TBC1D1: variants seen among roughly 807,000 people sequenced by gnomAD.
The protein encoded by TBC1D1 is TBC1 domain family member 1, also known as TBC1 (tre-2/USP6, BUB2, cdc16) domain family, member 1.
In TBC1D1, 89 loss-of-function variants were observed where a neutral mutation model predicts 125.6. The observed-to-expected ratio is 0.71, with a 90% CI of 0.60 to 0.85. The LOEUF (loss-of-function observed/expected upper bound fraction) is 0.85. TBC1D1 is among the 40% of genes least tolerant of loss of function. TBC1D1 has a pLI of 0.00. For synonymous variants in TBC1D1, 565 were observed against 564.1 expected (o/e 1.00, Z -0.02); for missense variants, 1,377 against 1,469.2 (o/e 0.94, Z 1.03).
At chr4:37,953,785 T>C (rs528060866) in intron 2 of TBC1D1, among the ~76,000 whole-genome samples, 23 of 152,286 alleles carry the variant, frequency 1.5e-4, no homozygotes, top group African/African-American at 5.3e-4. Context: ...TGTGGTTAGC[T>C]TGGTATGTGG....
rs1270469136 is a variant in TBC1D1, at chr4:37,995,594, G to A, written c.418-18915G>A. The A allele has an allele frequency of 8.5e-6, 4 of 468,006 alleles. No homozygotes were observed. In the East Asian group the frequency reaches 1.7e-4, roughly 19 times the overall value. The allele number at this position is 468,006 out of a possible 1,614,324, so 29.0% of individuals were successfully genotyped here. ...TCAGCACAGAAGGCCTTCAGGTCCA[G>A]TACCCTGGCCTTGACCTCCCCATAG... On this transcript the variant is annotated intron_variant, in intron 2 of 19. Transcript: ENST00000261439. The surrounding 1 kb of genome is among the most constrained non-coding windows in gnomAD (Gnocchi z 4.3).
intron 8 of TBC1D1, among the ~76,000 whole-genome samples, chr4:38,042,936 C>G (rs1390260824): frequency 6.6e-6 from 1 of 152,150 alleles, no homozygotes; most frequent in East Asian, 1.9e-4. Context: ...GAGTCTCGCT[C>G]TGTCGCCCAG....
At chr4:38,050,309 A>G (rs9999701) in intron 11 of TBC1D1, among the ~76,000 whole-genome samples, 10,095 of 152,234 alleles carry the variant, frequency 0.066, 1,132 homozygotes, top group African/African-American at 0.23. Flanking sequence ...CTGGCCTCAT[A>G]GGGTGACAGG....
chr4:38,038,799 A>T (rs1167580736), intron 8 of TBC1D1, among the ~76,000 whole-genome samples: 2 of 152,018 alleles, frequency 1.3e-5, no homozygotes, highest in Non-Finnish European at 2.9e-5. Flanking sequence ...TACAAAAATT[A>T]GTCAGGTGTG....
At chr4:38,090,443 C>T (rs1418033662) in intron 13 of TBC1D1, among the ~76,000 whole-genome samples, 1 of 152,178 alleles carries the variant, frequency 6.6e-6, no homozygotes, top group Non-Finnish European at 1.5e-5. Flanking sequence ...CTCTGTCTCT[C>T]TCTCTCTCTA....
At chr4:38,081,346 CAG>C (rs1394688788) in intron 12 of TBC1D1, among the ~76,000 whole-genome samples, 1 of 152,146 alleles carries the variant, frequency 6.6e-6, no homozygotes, top group Non-Finnish European at 1.5e-5. Flanking sequence ...TGAGCATTGA[CAG>C]AGGAGAGTCA....
At chr4:37,985,223 GAT>G (rs1735204106) in intron 2 of TBC1D1, among the ~76,000 whole-genome samples, 1 of 152,202 alleles carries the variant, frequency 6.6e-6, no homozygotes, top group Non-Finnish European at 1.5e-5. Flanking sequence ...AAAGTGCTGG[GAT>G]TACAGGCGTG....
intron 2 of TBC1D1, among the ~76,000 whole-genome samples, chr4:37,964,952 C>T (rs971321556): frequency 1.3e-5 from 2 of 152,226 alleles, no homozygotes; most frequent in Non-Finnish European, 2.9e-5. Flanking sequence ...CTTGGCCATG[C>T]CAGCTCCCTG....
At chr4:37,971,854 T>G (rs1296134760) in intron 2 of TBC1D1, among the ~76,000 whole-genome samples, 2 of 152,202 alleles carry the variant, frequency 1.3e-5, no homozygotes, top group East Asian at 1.9e-4. Flanking sequence ...GCTGACACAT[T>G]TGACTTGGCT....
chr4:38,111,155 G>T (rs952884762), intron 15 of TBC1D1, among the ~76,000 whole-genome samples: 3 of 152,224 alleles, frequency 2.0e-5, no homozygotes, highest in Non-Finnish European at 2.9e-5. Flanking sequence ...GGGCTACAGT[G>T]CTCAACACTG....
chr4:38,078,339 CT>C (rs1755952129), intron 12 of TBC1D1, among the ~76,000 whole-genome samples: 3 of 152,092 alleles, frequency 2.0e-5, no homozygotes, highest in African/African-American at 7.2e-5. Flanking sequence ...ACAGATTGAA[CT>C]TTTTTAAAAG....
Position 38,051,888 on chromosome 4 carries a change from T to C in TBC1D1, c.1910+1990T>C, listed in dbSNP as rs1471039233. 2 of 1,498,284 alleles carry C rather than the reference T, an allele frequency of 1.3e-6. No individual in the cohort carries two copies. The highest frequency in any genetic ancestry group is 2.4e-5 in the South Asian group (2 of 83,122). The allele number at this position is 1,498,284 out of a possible 1,614,324, so 92.8% of individuals were successfully genotyped here. A position where few individuals can be genotyped will look rare whatever the true frequency, so the allele number is the denominator to read the frequency against. ...GCTAACCCCCCCGTGCTTTCTCTGATTGCTGTTTAGTGTGGATCCTTCACC... is the reference window on the plus strand; with the variant it reads ...GCTAACCCCCCCGTGCTTTCTCTGACTGCTGTTTAGTGTGGATCCTTCACC... On this transcript the variant is annotated intron_variant, in intron 11 of 19. Transcript: ENST00000261439.
At chr4:37,999,330 G>T (rs1206873510) in intron 2 of TBC1D1, among the ~76,000 whole-genome samples, 1 of 152,088 alleles carries the variant, frequency 6.6e-6, no homozygotes, top group African/African-American at 2.4e-5. Context: ...TGTAGGTAAA[G>T]TTTACCTACA....
chr4:38,053,121 T>C (rs1327693056), intron 11 of TBC1D1: 2 of 1,522,108 alleles, frequency 1.3e-6, no homozygotes, highest in Non-Finnish European at 8.8e-7. Context: ...CCTACCGTAA[T>C]GCCCTGCGGA....
At chr4:37,966,434 A>T (rs901910808) in intron 2 of TBC1D1, among the ~76,000 whole-genome samples, 4 of 152,216 alleles carry the variant, frequency 2.6e-5, no homozygotes, top group African/African-American at 9.7e-5. Flanking sequence ...TAAAAAACTG[A>T]GTGGGATCCC....
chr4:37,901,488 A>G (rs532085041), intron 1 of TBC1D1, among the ~76,000 whole-genome samples: 37 of 152,322 alleles, frequency 2.4e-4, no homozygotes, highest in African/African-American at 8.7e-4. Context: ...AGAAGAAGCC[A>G]GGTGTTGGAG....
At chr4:37,952,236 G>T (rs1204831301) in intron 2 of TBC1D1, 10 of 585,010 alleles carry the variant, frequency 1.7e-5, no homozygotes, top group Non-Finnish European at 2.5e-5. Flanking sequence ...CGCTGAGTCT[G>T]TGCGGAAATC....
intron 14 of TBC1D1, among the ~76,000 whole-genome samples, chr4:38,102,664 A>C (rs1418303662): frequency 6.6e-6 from 1 of 151,980 alleles, no homozygotes; most frequent in Admixed American, 6.6e-5. Context: ...GTATCGCTTG[A>C]GCCCAGGAGT....
intron 13 of TBC1D1, among the ~76,000 whole-genome samples, chr4:38,092,223 A>G (rs1355406106): frequency 6.6e-6 from 1 of 152,236 alleles, no homozygotes; most frequent in African/African-American, 2.4e-5. Flanking sequence ...TGTTGCCAAT[A>G]GGTTCATGGA....
Sources: allele counts gnomAD v4.1 joint callset (sites outside exome capture counted in the v4.1 genomes callset), GRCh38; gene constraint gnomAD v4.1.1; non-coding constraint Gnocchi (gnomAD v3.1); transcripts MANE v1.5; gene names NCBI Gene and HGNC (gene_info 2026-07-23, HGNC 2026-07-21).